Variants in TRPM6 observed in about 807,000 individuals in gnomAD.
TRPM6 encodes the protein transient receptor potential cation channel subfamily M member 6.
TRPM6 carries 111 observed loss-of-function variants against 247.6 expected under a neutral mutation model. The ratio of observed to expected loss-of-function variants is 0.45; its 90% CI spans 0.38 to 0.52. TRPM6 has a LOEUF of 0.52. TRPM6 is among the 20% of genes least tolerant of loss of function. TRPM6 has a pLI of 0.00. For missense variants in TRPM6, 2,126 were observed against 2,421.5 expected, an observed-to-expected ratio of 0.88 and a Z score of 2.56; for synonymous variants, 892 against 853.8, an observed-to-expected ratio of 1.04 and a Z score of -0.78.
chr9:74,823,861 T>C (rs1259223420), intron 7 of TRPM6, among the ~76,000 whole-genome samples: 1 of 152,046 alleles, frequency 6.6e-6, no homozygotes, highest in Non-Finnish European at 1.5e-5. Flanking sequence ...GGGGAAAAAC[T>C]ACAAAAGAAG....
intron 6 of TRPM6, 62 bp downstream of exon 6, chr9:74,833,936 G>A: frequency 6.2e-7 from 1 of 1,605,182 alleles, no homozygotes; most frequent in Non-Finnish European, 8.5e-7. Flanking sequence ...CAGGTACAGT[G>A]TTAAGCTGGC....
chr9:74,853,184 C>A (rs139611291), intron 3 of TRPM6, among the ~76,000 whole-genome samples: 1 of 151,296 alleles, frequency 6.6e-6, no homozygotes. Context: ...CCGGCCGCCC[C>A]GTCTGAGAAG....
At chr9:74,780,284 G>C (rs993231321) in intron 23 of TRPM6, among the ~76,000 whole-genome samples, 1 of 152,022 alleles carries the variant, frequency 6.6e-6, no homozygotes, top group Non-Finnish European at 1.5e-5. Flanking sequence ...GTGAAACCCT[G>C]TCTCTACTAG....
chr9:74,758,706 T>C (rs1464793650), intron 27 of TRPM6, among the ~76,000 whole-genome samples: 8 of 152,126 alleles, frequency 5.3e-5, no homozygotes, highest in Non-Finnish European at 1.2e-4. Flanking sequence ...TAAATGCTTT[T>C]CCCCTAAGAA....
chr9:74,801,674 A>G (rs1828343060), intron 16 of TRPM6, among the ~76,000 whole-genome samples: 1 of 152,206 alleles, frequency 6.6e-6, no homozygotes, highest in South Asian at 2.1e-4. Flanking sequence ...CTAATTAGTC[A>G]ACAGCTGGAC....
intron 36 of TRPM6, among the ~76,000 whole-genome samples, chr9:74,736,566 A>C (rs1210501801): frequency 6.6e-6 from 1 of 152,204 alleles, no homozygotes; most frequent in Non-Finnish European, 1.5e-5. Flanking sequence ...GTAGTGGTGT[A>C]ACTGTTCATA....
At chr9:74,881,729 G>A (rs144590934) in intron 1 of TRPM6, among the ~76,000 whole-genome samples, 125 of 152,206 alleles carry the variant, frequency 8.2e-4, no homozygotes, top group Admixed American at 1.6e-3. Flanking sequence ...ATCATATCAT[G>A]TATCTTCTCA....
In TRPM6 at chr9:74,788,667, C is replaced by A; in HGVS notation, c.2614G>T (p.Glu872Ter). Residue 872 changes from glutamate to a stop codon, truncating the protein, a stop_gained, in exon 20 of 39, where the codon GAG becomes TAG. Transcript: ENST00000360774. LOFTEE classifies it high-confidence loss of function. The part of the protein sequence containing the change: ...VEMQPQPSVQ[E>*]WLVSIYIFTN... ...AAGATGTAAATGCTAACAAGCCACT[C>A]CTGCACGCTGGGCTGGGGCTGCATC... 6.2e-7 allele frequency: 1 copy of A among 1,614,098 alleles called. No individual in the cohort carries two copies. The highest frequency in any genetic ancestry group is 2.2e-5 in the East Asian group (1 of 44,878).
chr9:74,853,267 C>T (rs1473488606), intron 3 of TRPM6, among the ~76,000 whole-genome samples: 1 of 151,736 alleles, frequency 6.6e-6, no homozygotes, highest in African/African-American at 2.4e-5. Context: ...GCCGCCCCGT[C>T]AGGGAAGTGA....
intron 21 of TRPM6, among the ~76,000 whole-genome samples, chr9:74,784,596 T>A (rs936585514): frequency 1.3e-5 from 2 of 152,072 alleles, no homozygotes; most frequent in Non-Finnish European, 2.9e-5. Context: ...TAGCAGAAAA[T>A]ATCATTGGTG....
chr9:74,842,759 A>G (rs1829985376), intron 3 of TRPM6, among the ~76,000 whole-genome samples: 1 of 152,248 alleles, frequency 6.6e-6, no homozygotes, highest in Non-Finnish European at 1.5e-5. Context: ...TAACTTAATT[A>G]AAATAATTTA....
intron 5 of TRPM6, among the ~76,000 whole-genome samples, chr9:74,835,527 G>A (rs759981341): frequency 3.9e-5 from 6 of 152,116 alleles, no homozygotes; most frequent in East Asian, 1.9e-4. Context: ...GTTAATGTTC[G>A]CCCTTCTGGA....
chr9:74,736,616 T>C (rs1825704861), intron 36 of TRPM6, among the ~76,000 whole-genome samples: 1 of 152,194 alleles, frequency 6.6e-6, no homozygotes, highest in Non-Finnish European at 1.5e-5. Flanking sequence ...TACATCCAGG[T>C]CTAACCAATT....
At chr9:74,769,211 T>C (rs1472737378) in intron 25 of TRPM6, among the ~76,000 whole-genome samples, 3 of 152,182 alleles carry the variant, frequency 2.0e-5, no homozygotes, top group East Asian at 3.9e-4. Flanking sequence ...AGTGGTGCGA[T>C]TTCAGCTCAC....
intron 3 of TRPM6, among the ~76,000 whole-genome samples, chr9:74,852,860 A>G (rs7040245): frequency 0.73 from 110,218 of 151,974 alleles, 40,563 homozygotes; most frequent in African/African-American, 0.85. Flanking sequence ...CCTCCCAGCC[A>G]CCTGCTTTGG....
chr9:74,807,452 C>G (rs1828563820), intron 14 of TRPM6, among the ~76,000 whole-genome samples: 1 of 152,194 alleles, frequency 6.6e-6, no homozygotes, highest in African/African-American at 2.4e-5. Context: ...ATGGCAATTT[C>G]AAGAAATAGG....
chr9:74,788,563 T>A (rs1238245832), intron 20 of TRPM6, 51 bp downstream of exon 20: 1 of 1,610,266 alleles, frequency 6.2e-7, no homozygotes. Flanking sequence ...AGTGGACACC[T>A]ACAGAAGCTG....
chr9:74,727,101 C>G (rs1825355591), intron 38 of TRPM6, among the ~76,000 whole-genome samples: 2 of 152,040 alleles, frequency 1.3e-5, no homozygotes, highest in South Asian at 4.1e-4. Context: ...CACAAGAGCT[C>G]CCCCTACCTC....
chr9:74,843,544 C>A (rs1385905844), intron 3 of TRPM6, among the ~76,000 whole-genome samples: 1 of 152,002 alleles, frequency 6.6e-6, no homozygotes, highest in African/African-American at 2.4e-5. Context: ...TGCGGTGGCT[C>A]ACGCCTGTAA....
Sources: allele counts gnomAD v4.1 joint callset (sites outside exome capture counted in the v4.1 genomes callset), GRCh38; gene constraint gnomAD v4.1.1; transcripts MANE v1.5; gene names NCBI Gene and HGNC (gene_info 2026-07-23, HGNC 2026-07-21).